NXN: variants seen among roughly 807,000 people sequenced by gnomAD.
NXN encodes the protein nucleoredoxin 1.
In NXN, 16 loss-of-function variants were observed where a neutral mutation model predicts 48.6. The ratio of observed to expected loss-of-function variants is 0.33; its 90% confidence interval spans 0.22 to 0.50. The LOEUF (loss-of-function observed/expected upper bound fraction) is 0.50, where lower values mean the gene tolerates loss of function less well. NXN is among the 20% of genes least tolerant of loss of function. The pLI is 0.98. For missense variants in NXN, 492 were observed against 605.5 expected (o/e 0.81, Z 1.97); for synonymous variants, 281 against 269.6 (o/e 1.04, Z -0.41).
At chr17:905,256 T>A (rs1438404365) in intron 1 of NXN, 3 of 147,174 alleles carry the variant, frequency 2.0e-5, no homozygotes, top group Non-Finnish European at 4.5e-5. Flanking sequence ...TAAATGTAAA[T>A]ATATATATAT....
intron 1 of NXN, among the ~76,000 whole-genome samples, chr17:872,592 G>C (rs1597681928): frequency 6.8e-6 from 1 of 146,750 alleles, no homozygotes; most frequent in Non-Finnish European, 1.5e-5. Context: ...GTGTGTCTGT[G>C]ACTATGTTTC....
At chr17:963,214 GACACACAC>G (rs58535607) in intron 1 of NXN, among the ~76,000 whole-genome samples, 1 of 142,896 alleles carries the variant, frequency 7.0e-6, no homozygotes, top group Non-Finnish European at 1.5e-5. Flanking sequence ...TACTGGGACG[GACACACAC>G]ACACACACAC....
intron 1 of NXN, among the ~76,000 whole-genome samples, chr17:841,410 C>CGACCACAGCGCA (rs1914195571): frequency 6.0e-5 from 2 of 33,290 alleles, no homozygotes; most frequent in African/African-American, 2.0e-4. Flanking sequence ...CAGGTCCCCC[C>CGACCACAGCGCA]TGACCACGGC....
At chr17:857,266 C>CT (rs895286405) in intron 1 of NXN, among the ~76,000 whole-genome samples, 24 of 149,016 alleles carry the variant, frequency 1.6e-4, no homozygotes, top group East Asian at 7.9e-4. Flanking sequence ...TTTTTTCTTT[C>CT]TTTTTTTTTT....
intron 1 of NXN, among the ~76,000 whole-genome samples, chr17:929,277 C>T (rs1447388133): frequency 6.6e-6 from 1 of 152,246 alleles, no homozygotes; most frequent in East Asian, 1.9e-4. Context: ...GCTTCACCTG[C>T]CTGGCCCTCT....
intron 1 of NXN, among the ~76,000 whole-genome samples, chr17:899,873 G>C (rs528002058): frequency 6.6e-6 from 1 of 152,146 alleles, no homozygotes; most frequent in Non-Finnish European, 1.5e-5. Flanking sequence ...CTGAGTGACA[G>C]AGTGAGACCC....
chr17:809,102 T>C (rs1035228812), intron 5 of NXN, among the ~76,000 whole-genome samples: 2 of 152,124 alleles, frequency 1.3e-5, no homozygotes, highest in African/African-American at 4.8e-5. Context: ...AGAAGTTAGC[T>C]AAAGAAGCAG....
chr17:970,857 A>G (rs987280893), intron 1 of NXN, among the ~76,000 whole-genome samples: 4 of 152,038 alleles, frequency 2.6e-5, no homozygotes, highest in Non-Finnish European at 2.9e-5. Flanking sequence ...ATATGTACGC[A>G]TTTTGAGTTC....
chr17:947,550 A>T (rs1320953007), intron 1 of NXN, among the ~76,000 whole-genome samples: 1 of 151,826 alleles, frequency 6.6e-6, no homozygotes, highest in Non-Finnish European at 1.5e-5. Flanking sequence ...CTGGCCAACA[A>T]GGTGAAACCC....
Position 946,254 on chromosome 17 carries a change from C to T in NXN, c.360+33065G>A, listed in dbSNP as rs1412677577. On this transcript the variant is annotated intron_variant, in intron 1 of 7. Coordinates refer to ENST00000336868, the MANE Select transcript of NXN (RefSeq NM_022463.5). ...GGGGATCCCTGCTCACTGCAAGCTC[C>T]GCCTCCCGGGTTCAAGCGATTCTCC... Among the ~76,000 whole-genome samples, 31 of 107,338 alleles carry T rather than the reference C, an allele frequency of 2.9e-4. 1 individual carries two copies. Among genetic ancestry groups the T allele is most frequent in the South Asian group, 9.6e-4 (3 of 3,132 alleles). The allele number at this position is 107,338 out of a possible 152,430, so 70.4% of individuals were successfully genotyped here.
chr17:855,856 G>A lies in NXN; in HGVS notation c.361-29778C>T, dbSNP rs190383242. 3.7e-3 allele frequency among the ~76,000 whole-genome samples: 562 copies of A among 152,206 alleles called. 4 individuals carry two copies. The highest frequency in any genetic ancestry group is 0.013 in the African/African-American group (534 of 41,534). The stretch of plus-strand genomic sequence containing the variant: ...CAGCAGAAAATGATTCCTGTCATGG[G>A]ACAGGCAACTCCACAGCCGGCCCCT... On this transcript the variant is annotated intron_variant, in intron 1 of 7. Coordinates refer to ENST00000336868, the MANE Select transcript of NXN (RefSeq NM_022463.5).
chr17:806,779 C>G (rs1334021086), intron 5 of NXN, among the ~76,000 whole-genome samples: 1 of 152,214 alleles, frequency 6.6e-6, no homozygotes, highest in Non-Finnish European at 1.5e-5. Context: ...GCCACCAGCA[C>G]CGCGGGCGTG....
intron 1 of NXN, among the ~76,000 whole-genome samples, chr17:861,194 C>T (rs912682151): frequency 6.6e-6 from 1 of 152,192 alleles, no homozygotes; most frequent in Non-Finnish European, 1.5e-5. Context: ...AATGCAGTGG[C>T]ACCATCTCGG....
intron 1 of NXN, among the ~76,000 whole-genome samples, chr17:907,516 T>A (rs1242856823): frequency 6.6e-6 from 1 of 151,970 alleles, no homozygotes; most frequent in Non-Finnish European, 1.5e-5. Context: ...ATTTTTGTAT[T>A]TTTAGTAGAG....
intron 1 of NXN, among the ~76,000 whole-genome samples, chr17:840,558 C>T (rs970392227): frequency 2.0e-5 from 3 of 152,184 alleles, no homozygotes; most frequent in African/African-American, 7.2e-5. Context: ...CCAGGATGGT[C>T]TTGATCTCCT....
chr17:881,467 TCTGC>T (rs1407792835), intron 1 of NXN, among the ~76,000 whole-genome samples: 8 of 152,280 alleles, frequency 5.3e-5, no homozygotes, highest in Admixed American at 3.9e-4. Context: ...GCTCAAGAAA[TCTGC>T]CTGCCTTGGC....
intron 4 of NXN, among the ~76,000 whole-genome samples, chr17:821,773 A>C (rs1490286677): frequency 6.6e-6 from 1 of 151,636 alleles, no homozygotes; most frequent in Non-Finnish European, 1.5e-5. Context: ...AAAAACAAAA[A>C]ACAGCCATCC....
intron 1 of NXN, among the ~76,000 whole-genome samples, chr17:859,055 G>T (rs941844798): frequency 6.6e-6 from 1 of 152,170 alleles, no homozygotes; most frequent in African/African-American, 2.4e-5. Context: ...GATCTGGTTC[G>T]AAGGCCATGG....
At chr17:959,238 C>T (rs2069207070) in intron 1 of NXN, 2 of 863,866 alleles carry the variant, frequency 2.3e-6, no homozygotes, top group East Asian at 3.4e-5. Flanking sequence ...GATACCCCAG[C>T]TCCCAGCCCC....
Sources: allele counts gnomAD v4.1 joint callset (sites outside exome capture counted in the v4.1 genomes callset), GRCh38; gene constraint gnomAD v4.1.1; transcripts MANE v1.5; gene names NCBI Gene and HGNC (gene_info 2026-07-23, HGNC 2026-07-21).